RGS6: variants seen among roughly 807,000 people sequenced by gnomAD.
The protein encoded by RGS6 is regulator of G-protein signaling 6.
Under a neutral mutation model 78.5 loss-of-function variants are expected in RGS6, and 30 were observed. That is an observed-to-expected ratio of 0.38 (90% confidence interval 0.29 to 0.52). The LOEUF (loss-of-function observed/expected upper bound fraction) is 0.52. Among genes scored for constraint, RGS6 ranks in the 20% least tolerant of loss-of-function variants. The probability of loss-of-function intolerance (pLI) is 0.85; values close to 1 mark genes in which losing one functional copy is unlikely to be tolerated. For missense variants in RGS6, 495 were observed against 609.7 expected (o/e 0.81, Z 1.98); for synonymous variants, 206 against 206.0 (o/e 1.00, Z 0.00).
chr14:72,114,190 T>C (rs1473257177), intron 2 of RGS6, among the ~76,000 whole-genome samples: 1 of 152,090 alleles, frequency 6.6e-6, no homozygotes, highest in African/African-American at 2.4e-5. Flanking sequence ...AGGTGCAAAA[T>C]AGAAGCACGC....
At chr14:71,881,157 G>A in the RGS6 span, among the ~76,000 whole-genome samples, 1 of 152,204 alleles carries the variant, frequency 6.6e-6, no homozygotes, top group Non-Finnish European at 1.5e-5. Flanking sequence ...CATTTGGAAT[G>A]GGTGTATTTA....
chr14:72,099,699 A>T (rs1180709293), intron 2 of RGS6, among the ~76,000 whole-genome samples: 1 of 152,172 alleles, frequency 6.6e-6, no homozygotes, highest in Non-Finnish European at 1.5e-5. Flanking sequence ...TCTGCTGTTG[A>T]CCATGTAAGG....
intron 3 of RGS6, among the ~76,000 whole-genome samples, chr14:72,385,347 A>G (rs1278719826): frequency 6.6e-6 from 1 of 152,166 alleles, no homozygotes; most frequent in Non-Finnish European, 1.5e-5. Context: ...GGATCACACA[A>G]GGAAGAAAAG....
At chr14:72,330,946 T>C (rs1246242747) in intron 2 of RGS6, among the ~76,000 whole-genome samples, 4 of 152,232 alleles carry the variant, frequency 2.6e-5, no homozygotes, top group Non-Finnish European at 5.9e-5. Flanking sequence ...CAGGGTACCT[T>C]TGAGGGGCCT....
chr14:72,311,039 A>T (rs2068490395), intron 2 of RGS6, among the ~76,000 whole-genome samples: 1 of 152,240 alleles, frequency 6.6e-6, no homozygotes, highest in Non-Finnish European at 1.5e-5. Context: ...GAATACAGAA[A>T]GGGAGGGAAG....
intron 3 of RGS6, among the ~76,000 whole-genome samples, chr14:72,355,052 C>A (rs551805470): frequency 7.9e-4 from 121 of 152,202 alleles, no homozygotes; most frequent in African/African-American, 2.8e-3. Context: ...GTTTGGGTAT[C>A]AAATTTATGC....
chr14:72,014,143 A>G (rs758235), intron 2 of RGS6, among the ~76,000 whole-genome samples: 137,879 of 152,266 alleles, frequency 0.91, 62,652 homozygotes, highest in East Asian at 0.98. Context: ...AGGATATGGC[A>G]TAATTTATAA....
intron 2 of RGS6, among the ~76,000 whole-genome samples, chr14:72,069,081 T>C (rs1195630855): frequency 6.6e-6 from 1 of 151,932 alleles, no homozygotes; most frequent in Non-Finnish European, 1.5e-5. Flanking sequence ...CAAGTGATTC[T>C]CCCACCTAAG....
At chr14:72,149,981 T>C (rs1015861904) in intron 2 of RGS6, among the ~76,000 whole-genome samples, 1 of 152,202 alleles carries the variant, frequency 6.6e-6, no homozygotes, top group Non-Finnish European at 1.5e-5. Flanking sequence ...CATCTTACTA[T>C]TGGGCTACCC....
intron 14 of RGS6, among the ~76,000 whole-genome samples, chr14:72,517,146 AAAAAAG>A (rs1318838780): frequency 1.3e-5 from 2 of 152,128 alleles, no homozygotes; most frequent in African/African-American, 2.4e-5. Context: ...AAAAAAAAAA[AAAAAAG>A]AAACAAGTAC....
chr14:71,984,179 A>G (rs550546103), intron 2 of RGS6, among the ~76,000 whole-genome samples: 6 of 152,198 alleles, frequency 3.9e-5, no homozygotes, highest in South Asian at 2.1e-4. Flanking sequence ...TATATTACAG[A>G]TAAGGGAACT....
Position 72,505,410 on chromosome 14 carries a change from G to T in RGS6, c.966-4744G>T, listed in dbSNP as rs541617065. Among the ~76,000 whole-genome samples, 5 of 152,276 alleles carry T rather than the reference G, an allele frequency of 3.3e-5. No individual in the cohort carries two copies. The South Asian group carries it at 1.0e-3, about 32-fold the overall frequency. On this transcript the variant is annotated intron_variant, in intron 13 of 17. Transcript: ENST00000553525. The stretch of plus-strand genomic sequence containing the variant: ...CAGAAGGGAAAGGGAGCTCTCTCTG[G>T]TCTCTTATAGAGTACTAATCCCACT...
At chr14:71,974,614 G>A (rs2094005889) in intron 2 of RGS6, among the ~76,000 whole-genome samples, 1 of 152,162 alleles carries the variant, frequency 6.6e-6, no homozygotes, top group South Asian at 2.1e-4. Flanking sequence ...TGACATTCTA[G>A]GGTATGGTTA....
At chr14:72,422,616 C>A (rs2094243567) in intron 3 of RGS6, among the ~76,000 whole-genome samples, 1 of 152,160 alleles carries the variant, frequency 6.6e-6, no homozygotes, top group Admixed American at 6.5e-5. Flanking sequence ...AGCAGCCTCA[C>A]CCCTCGTCCT....
intron 3 of RGS6, among the ~76,000 whole-genome samples, chr14:72,360,799 C>G (rs1484769498): frequency 1.3e-5 from 2 of 152,036 alleles, no homozygotes; most frequent in African/African-American, 4.8e-5. Flanking sequence ...CTCTGTGTCC[C>G]CACTCTGATT....
intron 3 of RGS6, among the ~76,000 whole-genome samples, chr14:72,377,640 C>T (rs887516350): frequency 6.6e-5 from 10 of 152,056 alleles, no homozygotes; most frequent in Non-Finnish European, 1.3e-4. Flanking sequence ...CAGGCTTGAC[C>T]GTATATTAGG....
intron 2 of RGS6, among the ~76,000 whole-genome samples, chr14:72,226,744 C>T (rs918535138): frequency 6.6e-6 from 1 of 152,172 alleles, no homozygotes; most frequent in Non-Finnish European, 1.5e-5. Context: ...GCTGTGTAGC[C>T]CAGGCTGGAG....
At chr14:72,153,596 A>G (rs1326424275) in intron 2 of RGS6, among the ~76,000 whole-genome samples, 1 of 152,216 alleles carries the variant, frequency 6.6e-6, no homozygotes, top group African/African-American at 2.4e-5. Context: ...GAGAAAGAGT[A>G]CAAAGAGAGG....
intron 2 of RGS6, among the ~76,000 whole-genome samples, chr14:71,970,800 T>C (rs577441583): frequency 5.1e-4 from 77 of 152,172 alleles, no homozygotes; most frequent in Middle Eastern, 3.4e-3. Flanking sequence ...AATTACAGTG[T>C]TGGTAGAAGC....
Sources: allele counts gnomAD v4.1 joint callset (sites outside exome capture counted in the v4.1 genomes callset), GRCh38; gene constraint gnomAD v4.1.1; transcripts MANE v1.5; gene names NCBI Gene and HGNC (gene_info 2026-07-23, HGNC 2026-07-21).